The following WWP2 variants were observed in gnomAD, a reference collection of about 807,000 sequenced individuals.
WWP2 encodes the protein WW domain containing E3 ubiquitin protein ligase 2, also known as NEDD4-like E3 ubiquitin-protein ligase WWP2.
In WWP2, 57 loss-of-function variants were observed where a neutral mutation model predicts 121.0. The ratio of observed to expected loss-of-function variants is 0.47; its 90% CI spans 0.38 to 0.59. The LOEUF is 0.59. WWP2 is among the 20% of genes least tolerant of loss of function. WWP2 has a pLI of 0.00. For missense variants in WWP2, 962 were observed against 1,158.9 expected (o/e 0.83, Z 2.47); for synonymous variants, 449 against 441.3 (o/e 1.02, Z -0.22).
chr16:69,835,825 C>CA (rs1466184823), intron 4 of WWP2, among the ~76,000 whole-genome samples: 2 of 134,630 alleles, frequency 1.5e-5, no homozygotes, highest in African/African-American at 2.8e-5. Context: ...TTTTTTGAGA[C>CA]AGAGTCTTGC....
At chr16:69,923,322 G>GT in intron 10 of WWP2, among the ~76,000 whole-genome samples, 1 of 118,714 alleles carries the variant, frequency 8.4e-6, no homozygotes, top group Admixed American at 8.9e-5. Flanking sequence ...TGGGGGGGTG[G>GT]GGGGGGTGCG....
intron 8 of WWP2, among the ~76,000 whole-genome samples, chr16:69,903,643 C>T (rs1813051510): frequency 6.6e-6 from 1 of 151,884 alleles, no homozygotes; most frequent in South Asian, 2.1e-4. Flanking sequence ...TGGCGCATAC[C>T]TGTAGTCCCA....
chr16:69,868,192 T>G (rs2057563361), intron 6 of WWP2, among the ~76,000 whole-genome samples: 1 of 151,786 alleles, frequency 6.6e-6, no homozygotes, highest in Non-Finnish European at 1.5e-5. Context: ...TGTTGGGGGG[T>G]GGTGGCTGGC....
At chr16:69,861,016 C>T (rs1413413532) in intron 6 of WWP2, among the ~76,000 whole-genome samples, 2 of 152,180 alleles carry the variant, frequency 1.3e-5, no homozygotes, top group African/African-American at 4.8e-5. Context: ...TCTGGCGCAC[C>T]TGTACAGGTT....
At chr16:69,861,607 G>A (rs1038793378) in intron 6 of WWP2, among the ~76,000 whole-genome samples, 2 of 150,986 alleles carry the variant, frequency 1.3e-5, no homozygotes, top group Non-Finnish European at 2.9e-5. Context: ...CTCTAATTGT[G>A]CCTTTCCCGG....
intron 6 of WWP2, among the ~76,000 whole-genome samples, chr16:69,849,281 G>C (rs1167829734): frequency 6.6e-6 from 1 of 152,200 alleles, no homozygotes; most frequent in African/African-American, 2.4e-5. Flanking sequence ...CATTCTCACA[G>C]TCATTGTTGG....
intron 8 of WWP2, among the ~76,000 whole-genome samples, chr16:69,888,454 A>G (rs950214474): frequency 3.3e-5 from 5 of 152,294 alleles, no homozygotes; most frequent in African/African-American, 1.2e-4. Context: ...GGCAGAATCA[A>G]TGCTACCTTG....
At chr16:69,932,128 G>A (rs991325977) in intron 16 of WWP2, among the ~76,000 whole-genome samples, 10 of 152,206 alleles carry the variant, frequency 6.6e-5, no homozygotes, top group Admixed American at 3.9e-4. Context: ...TCGGGGGTTC[G>A]AGACCAGCCT....
intron 8 of WWP2, among the ~76,000 whole-genome samples, chr16:69,891,442 A>AT (rs1332873907): frequency 2.0e-5 from 3 of 152,216 alleles, no homozygotes; most frequent in Admixed American, 6.5e-5. Context: ...TTATGAGGAT[A>AT]TATAAATGCA....
chr16:69,797,135 A>T (rs555368121), intron 2 of WWP2, among the ~76,000 whole-genome samples: 1 of 152,110 alleles, frequency 6.6e-6, no homozygotes, highest in South Asian at 2.1e-4. Context: ...ATACACTAGG[A>T]TGTCTGTCTA....
At position 69,937,544 on chromosome 16, in the gene WWP2, C is replaced by T; in HGVS notation, c.2239-4C>T. 6.2e-7 allele frequency: 1 copy of T among 1,613,944 alleles called. No individual in the cohort carries two copies. Among genetic ancestry groups the T allele is most frequent in the Non-Finnish European group, 8.5e-7 (1 of 1,179,990 alleles). On this transcript the variant is annotated splice_region_variant and splice_polypyrimidine_tract_variant and intron_variant, in intron 20 of 23. Transcript: ENST00000359154. This position sits in a 1 kb window ranked among gnomAD's most constrained non-coding sequence, Gnocchi z 6.6. ...CGGGGATGCTGACTGCCGCCTCTCCCCAGCTGATGCTGTGCGGCATGCAGG... is the reference window on the plus strand; with the variant it reads ...CGGGGATGCTGACTGCCGCCTCTCCTCAGCTGATGCTGTGCGGCATGCAGG...
At chr16:69,882,168 C>A (rs1234554397) in intron 7 of WWP2, among the ~76,000 whole-genome samples, 2 of 152,094 alleles carry the variant, frequency 1.3e-5, no homozygotes, top group Admixed American at 6.6e-5. Context: ...GTTGACCACA[C>A]TGGTCTTGAA....
intron 4 of WWP2, among the ~76,000 whole-genome samples, chr16:69,826,368 C>T (rs1396847400): frequency 6.6e-6 from 1 of 150,698 alleles, no homozygotes; most frequent in Non-Finnish European, 1.5e-5. Context: ...GAGTACGAGA[C>T]CAGCTTGGCC....
At position 69,863,255 on chromosome 16, in the gene WWP2, A is replaced by G. The variant is rs541927192; in HGVS notation, c.576-8549A>G. On this transcript the variant is annotated intron_variant, in intron 6 of 23. Transcript: ENST00000359154. ...GGCTTTTTTAAATTATTAAGTTACT[A>G]TAATTTACAAACAGTAAAATTTACC... 3.3e-5 allele frequency among the ~76,000 whole-genome samples: 5 copies of G among 152,290 alleles called. No individual in the cohort carries two copies. The South Asian group carries it at 8.3e-4, about 25-fold the overall frequency.
rs1035423240 is a variant in WWP2, at chr16:69,925,298, C to T, written c.1180-132C>T. 4 of 1,492,844 alleles carry T rather than the reference C, an allele frequency of 2.7e-6. No homozygotes were observed. Among genetic ancestry groups the T allele is most frequent in the African/African-American group, 2.8e-5 (2 of 71,558 alleles). 92.5% of individuals were successfully genotyped at this position (1,492,844 alleles called of 1,614,324 possible). ...GAGAGGAGCAGATGCCACCTAAAGT[C>T]CCACTGCATTCCCTGCAAAGCGCTC... On this transcript the variant is annotated intron_variant, in intron 10 of 23. Transcript: ENST00000359154. This position sits in a 1 kb window ranked among gnomAD's most constrained non-coding sequence, Gnocchi z 4.0.
chr16:69,768,475 TGGCA>T (rs2055347591), intron 1 of WWP2, among the ~76,000 whole-genome samples: 1 of 152,090 alleles, frequency 6.6e-6, no homozygotes, highest in African/African-American at 2.4e-5. Flanking sequence ...CTAGGCGTGG[TGGCA>T]GACACCTGTA....
intron 7 of WWP2, among the ~76,000 whole-genome samples, chr16:69,879,476 G>A (rs555853177): frequency 1.3e-5 from 2 of 151,684 alleles, no homozygotes; most frequent in Non-Finnish European, 2.9e-5. Flanking sequence ...GTGGATTAAC[G>A]TGTCCTTTTG....
At chr16:69,808,273 T>TA (rs1342918107) in intron 4 of WWP2, among the ~76,000 whole-genome samples, 1 of 147,966 alleles carries the variant, frequency 6.8e-6, no homozygotes. Flanking sequence ...TCAATAGTCT[T>TA]TTTTTTTTTT....
At chr16:69,876,903 C>G (rs2057745198) in intron 7 of WWP2, among the ~76,000 whole-genome samples, 2 of 152,104 alleles carry the variant, frequency 1.3e-5, no homozygotes, top group Non-Finnish European at 2.9e-5. Context: ...AACCATGCTG[C>G]AGACAGATGT....
Sources: gnomAD v4.1 joint callset for allele counts (sites outside exome capture counted in the v4.1 genomes callset) on GRCh38, gnomAD v4.1.1 for gene constraint, Gnocchi (gnomAD v3.1) non-coding constraint, MANE v1.5 for transcripts, NCBI Gene and HGNC (gene_info 2026-07-23, HGNC 2026-07-21) for gene names.